FJX1: variants seen among roughly 807,000 people sequenced by gnomAD.
The protein encoded by FJX1 is four-jointed box kinase 1.
In FJX1, 21 loss-of-function variants were observed where a neutral mutation model predicts 28.7. The ratio of observed to expected loss-of-function variants is 0.73; its 90% CI spans 0.52 to 1.05. The LOEUF (loss-of-function observed/expected upper bound fraction) is 1.05. Ranked by LOEUF, FJX1 falls within the 50% of genes least tolerant of loss-of-function variation. The pLI, the probability that FJX1 is intolerant of heterozygous loss-of-function variation, is 0.00. For synonymous variants in FJX1, 363 were observed against 310.0 expected (o/e 1.17, Z -1.80); for missense variants, 683 against 647.2 (o/e 1.06, Z -0.60).
Position 35,618,504 on chromosome 11 carries a change from C to T in FJX1, c.-133C>T, listed in dbSNP as rs1264654694. On this transcript the variant is annotated 5_prime_UTR_variant, in exon 1 of 1. Coordinates refer to ENST00000317811, the MANE Select transcript of FJX1 (RefSeq NM_014344.4). The surrounding 1 kb of genome is among the most constrained non-coding windows in gnomAD (Gnocchi z 4.2). ...AGCGCCGGACAGAGCCCCGCAGCGC[C>T]CCGCGGCCGCGATGGGGCCGAAGCG... 4 of 878,980 alleles carry T rather than the reference C, an allele frequency of 4.6e-6. No homozygotes were observed. In the East Asian group the frequency reaches 2.4e-4, roughly 54 times the overall value. 54.4% of individuals were successfully genotyped at this position (878,980 alleles called of 1,614,324 possible).
chr11:35,618,672 GGGGCTCTGGCTGCTGGCGCT>G lies in FJX1; in HGVS notation c.43_62del (p.Trp15AlafsTer253). ...GGATGCGGGGCGCCGCCGCCACCGC[GGGGCTCTGGCTGCTGGCGCT>G]GGGCTCGCTGCTGGCGCTGTGGGGA... On this transcript the variant is annotated frameshift_variant, in exon 1 of 1. Transcript: ENST00000317811. LOFTEE classifies it high-confidence loss of function. This position sits in a 1 kb window ranked among gnomAD's most constrained non-coding sequence, Gnocchi z 4.2. 3 of 1,238,206 alleles carry G rather than the reference GGGGCTCTGGCTGCTGGCGCT, an allele frequency of 2.4e-6. No homozygotes were observed. The highest frequency in any genetic ancestry group is 3.0e-6 in the Non-Finnish European group (3 of 986,432). 76.7% of individuals were successfully genotyped at this position (1,238,206 alleles called of 1,614,324 possible). A position where few individuals can be genotyped will look rare whatever the true frequency, so the allele number is the denominator to read the frequency against.
Position 35,620,170 on chromosome 11 carries a change from T to G in FJX1, c.*220T>G. On this transcript the variant is annotated 3_prime_UTR_variant, in exon 1 of 1. Coordinates refer to ENST00000317811, the MANE Select transcript of FJX1 (RefSeq NM_014344.4). The stretch of plus-strand genomic sequence containing the variant: ...ACTCACCGAGGCGAGAAGTGTAACA[T>G]TCTCTCCACCCAGCTTATAAAAGGA... The G allele has an allele frequency of 3.0e-6, 2 of 660,898 alleles. No homozygotes were observed. Among genetic ancestry groups the G allele is most frequent in the East Asian group, 2.9e-5 (1 of 34,978 alleles). The allele number at this position is 660,898 out of a possible 1,614,324, so 40.9% of individuals were successfully genotyped here.
Position 35,620,318 on chromosome 11 carries a change from A to T in FJX1, c.*368A>T. ...TGGGCCCCCCCTCATTCCCTTTCCG[A>T]AAAAGGAAAACTTGCGTTTGAGCCG... is the stretch of plus-strand genomic sequence containing the variant. On this transcript the variant is annotated 3_prime_UTR_variant, in exon 1 of 1. Coordinates refer to ENST00000317811, the MANE Select transcript of FJX1 (RefSeq NM_014344.4). The T allele has an allele frequency of 3.0e-6, 1 of 336,820 alleles. No homozygotes were observed. Among genetic ancestry groups the T allele is most frequent in the East Asian group, 8.5e-5 (1 of 11,796 alleles). 20.9% of individuals were successfully genotyped at this position (336,820 alleles called of 1,614,324 possible).
Position 35,619,773 on chromosome 11 carries a change from C to T in FJX1, c.1137C>T (p.His379=). 1 of 1,552,744 alleles carries T rather than the reference C, an allele frequency of 6.4e-7. No individual in the cohort carries two copies. Among genetic ancestry groups the T allele is most frequent in the South Asian group, 1.2e-5 (1 of 84,504 alleles). Residue 379 remains histidine (H), a synonymous_variant, in exon 1 of 1, where the codon CAC becomes CAT. Coordinates refer to ENST00000317811, the MANE Select transcript of FJX1 (RefSeq NM_014344.4). This position sits in a 1 kb window ranked among gnomAD's most constrained non-coding sequence, Gnocchi z 7.6. The part of the protein sequence containing the change: ...ERTARRVLEL[H]RGQDAAARLL... ...CCGCGCGGCGCGTCCTGGAGCTGCA[C>T]CGCGGACAGGACGCCGCGGCCCGGC...
Position 35,619,242 on chromosome 11 carries a change from C to T in FJX1, c.606C>T (p.Gly202=), listed in dbSNP as rs750108363. Residue 202 remains glycine, a synonymous_variant, in exon 1 of 1, where the codon GGC becomes GGT. Coordinates refer to ENST00000317811, the MANE Select transcript of FJX1 (RefSeq NM_014344.4). The surrounding 1 kb of genome is among the most constrained non-coding windows in gnomAD (Gnocchi z 7.6). ...CTTACTATCTGGCGCGCCTGCTGGG[C>T]CTCCAGCGCCACGTGCCGCCGCTGG... ...ALSYYLARLL[G]LQRHVPPLAL... is the part of the protein sequence containing the mutation. The T allele has an allele frequency of 1.9e-6, 3 of 1,577,036 alleles. No homozygotes were observed. The highest frequency in any genetic ancestry group is 2.6e-6 in the Non-Finnish European group (3 of 1,170,954).
Position 35,619,064 on chromosome 11 carries a change from C to T in FJX1, c.428C>T (p.Ala143Val), listed in dbSNP as rs1461643084. 5.4e-6 allele frequency: 8 copies of T among 1,473,336 alleles called. No individual in the cohort carries two copies. The highest frequency in any genetic ancestry group is 6.2e-6 in the Non-Finnish European group (7 of 1,125,200). 91.3% of individuals were successfully genotyped at this position (1,473,336 alleles called of 1,614,324 possible). The change falls in exon 1 of 1, where the codon GCG becomes GTG. Residue 143 changes from alanine to valine, a missense_variant. Coordinates refer to ENST00000317811, the MANE Select transcript of FJX1 (RefSeq NM_014344.4). This position sits in a 1 kb window ranked among gnomAD's most constrained non-coding sequence, Gnocchi z 7.6. ...PPGFSEAQAA[A>V]WLEAARGARM... ...GGCTTTTCGGAGGCCCAGGCGGCGG[C>T]GTGGCTGGAGGCGGCTCGCGGCGCC...
At position 35,620,657 on chromosome 11, in the gene FJX1, G is replaced by T. The variant is rs751400447; in HGVS notation, c.*707G>T. The T allele has an allele frequency of 2.4e-5, 4 of 166,434 alleles. No homozygotes were observed. The highest frequency in any genetic ancestry group is 4.4e-5 in the Non-Finnish European group (3 of 68,048). The allele number at this position is 166,434 out of a possible 1,614,324, so 10.3% of individuals were successfully genotyped here. On this transcript the variant is annotated 3_prime_UTR_variant, in exon 1 of 1. Coordinates refer to ENST00000317811, the MANE Select transcript of FJX1 (RefSeq NM_014344.4). ...AATAATGAATTTCTTCCTCCCTCTC[G>T]CAACCGACCAAAATTTTGACAACGA...
chr11:35,618,893 TG>T lies in FJX1; in HGVS notation c.259del (p.Ala87ArgfsTer154). On this transcript the variant is annotated frameshift_variant, in exon 1 of 1. Transcript: ENST00000317811. LOFTEE classifies it high-confidence loss of function. This position sits in a 1 kb window ranked among gnomAD's most constrained non-coding sequence, Gnocchi z 4.2. The part of the protein sequence containing the change: ...SLKTFRALLT[L>X]AAGADGPPRQ... ...AAAACTTTCCGGGCGCTGCTCACCC[TG>T]GCGGCCGGCGCGGACGGCCCGCCCC... is the stretch of plus-strand genomic sequence containing the variant. 1 of 1,391,788 alleles carries T rather than the reference TG, an allele frequency of 7.2e-7. No homozygotes were observed. The highest frequency in any genetic ancestry group is 1.6e-5 in the South Asian group (1 of 63,134). 86.2% of individuals were successfully genotyped at this position (1,391,788 alleles called of 1,614,324 possible).
chr11:35,618,464 C>T lies in FJX1; in HGVS notation c.-173C>T, dbSNP rs1164928088. 1.9e-6 allele frequency: 1 copy of T among 535,110 alleles called. No homozygotes were observed. The highest frequency in any genetic ancestry group is 2.5e-6 in the Non-Finnish European group (1 of 404,578). The allele number at this position is 535,110 out of a possible 1,614,324, so 33.1% of individuals were successfully genotyped here. The stretch of plus-strand genomic sequence containing the variant: ...CTGGGAAGCGGCGGGGACTCGAGTT[C>T]CCAGCGCCGGGCGGAGCGCCGGACA... On this transcript the variant is annotated 5_prime_UTR_variant, in exon 1 of 1. Coordinates refer to ENST00000317811, the MANE Select transcript of FJX1 (RefSeq NM_014344.4). This position sits in a 1 kb window ranked among gnomAD's most constrained non-coding sequence, Gnocchi z 4.2.
Position 35,618,762 on chromosome 11 carries a change from C to A in FJX1, c.126C>A (p.Pro42=). 1 of 1,262,044 alleles carries A rather than the reference C, an allele frequency of 7.9e-7. No individual in the cohort carries two copies. Among genetic ancestry groups the A allele is most frequent in the Non-Finnish European group, 1.0e-6 (1 of 994,614 alleles). 78.2% of individuals were successfully genotyped at this position (1,262,044 alleles called of 1,614,324 possible). ...CCGAGCTGCCCGCCTCCCGGCCGCC[C>A]GAAGACCGACTCCCACGGCGCCCGG... ...PRTELPASRP[P]EDRLPRRPAR... is the part of the protein sequence containing the mutation. Residue 42 remains proline, a synonymous_variant, in exon 1 of 1, where the codon CCC becomes CCA. Transcript: ENST00000317811. This position sits in a 1 kb window ranked among gnomAD's most constrained non-coding sequence, Gnocchi z 4.2.
At position 35,619,829 on chromosome 11, in the gene FJX1, G is replaced by T. The variant is rs763476015; in HGVS notation, c.1193G>T (p.Arg398Leu). ...LLRLYRRHEP[R>L]FPELAALADP... Reference sequence around the variant, plus strand: ...CGCCTCTACCGGCGCCACGAGCCTCGCTTCCCCGAGCTGGCCGCCCTTGCA... The same window carrying T: ...CGCCTCTACCGGCGCCACGAGCCTCTCTTCCCCGAGCTGGCCGCCCTTGCA... Residue 398 changes from arginine to leucine, a missense_variant, in exon 1 of 1, where the codon CGC becomes CTC. Coordinates refer to ENST00000317811, the MANE Select transcript of FJX1 (RefSeq NM_014344.4). This position sits in a 1 kb window ranked among gnomAD's most constrained non-coding sequence, Gnocchi z 7.6. The T allele has an allele frequency of 1.9e-6, 3 of 1,551,902 alleles. No homozygotes were observed. The highest frequency in any genetic ancestry group is 3.9e-5 in the Admixed American group (2 of 51,158).
In FJX1 at chr11:35,619,645, C is replaced by A; in HGVS notation, c.1009C>A (p.Leu337Met). ...CGGTCCGGGCGGGGCGCTGGTCTTT[C>A]TGGACAATGAGGCGGGCTTGGTGCA... The part of the protein sequence containing the change: ...HRGPGGALVF[L>M]DNEAGLVHGY... The change falls in exon 1 of 1, where the codon CTG (leucine) becomes ATG (methionine). Residue 337 changes from leucine (L) to methionine (M), a missense_variant. Transcript: ENST00000317811. The surrounding 1 kb of genome is among the most constrained non-coding windows in gnomAD (Gnocchi z 7.6). The A allele has an allele frequency of 6.2e-7, 1 of 1,611,434 alleles. No individual in the cohort carries two copies. Among genetic ancestry groups the A allele is most frequent in the Non-Finnish European group, 8.5e-7 (1 of 1,179,748 alleles).
At position 35,620,164 on chromosome 11, in the gene FJX1, G is replaced by GT; in HGVS notation, c.*215dup. On this transcript the variant is annotated 3_prime_UTR_variant, in exon 1 of 1. Transcript: ENST00000317811. ...GGACGAACTCACCGAGGCGAGAAGT[G>GT]TAACATTCTCTCCACCCAGCTTATA... 1.5e-6 allele frequency: 1 copy of GT among 687,186 alleles called. No individual in the cohort carries two copies. Among genetic ancestry groups the GT allele is most frequent in the South Asian group, 2.0e-5 (1 of 50,716 alleles). The allele number at this position is 687,186 out of a possible 1,614,324, so 42.6% of individuals were successfully genotyped here.
chr11:35,618,668 CCG>C lies in FJX1; in HGVS notation c.35_36del (p.Ala12GlyfsTer262). 1 of 1,233,448 alleles carries C rather than the reference CCG, an allele frequency of 8.1e-7. No individual in the cohort carries two copies. The highest frequency in any genetic ancestry group is 1.0e-6 in the Non-Finnish European group (1 of 984,434). The allele number at this position is 1,233,448 out of a possible 1,614,324, so 76.4% of individuals were successfully genotyped here. A position where few individuals can be genotyped will look rare whatever the true frequency, so the allele number is the denominator to read the frequency against. On this transcript the variant is annotated frameshift_variant, in exon 1 of 1. Transcript: ENST00000317811. LOFTEE classifies it high-confidence loss of function. The surrounding 1 kb of genome is among the most constrained non-coding windows in gnomAD (Gnocchi z 4.2). ...AGGAGGATGCGGGGCGCCGCCGCCACCGCGGGGCTCTGGCTGCTGGCGCTGGG... is the reference window on the plus strand; with the variant it reads ...AGGAGGATGCGGGGCGCCGCCGCCACCGGGGCTCTGGCTGCTGGCGCTGGG...
chr11:35,620,193 G>T lies in FJX1; in HGVS notation c.*243G>T. The T allele has an allele frequency of 1.6e-6, 1 of 631,334 alleles. No individual in the cohort carries two copies. Among genetic ancestry groups the T allele is most frequent in the Non-Finnish European group, 2.7e-6 (1 of 366,790 alleles). 39.1% of individuals were successfully genotyped at this position (631,334 alleles called of 1,614,324 possible). On this transcript the variant is annotated 3_prime_UTR_variant, in exon 1 of 1. Coordinates refer to ENST00000317811, the MANE Select transcript of FJX1 (RefSeq NM_014344.4). The stretch of plus-strand genomic sequence containing the variant: ...CATTCTCTCCACCCAGCTTATAAAA[G>T]GATTCTTTACTGTGCCAGCACGGGG...
Position 35,619,987 on chromosome 11 carries a change from G to A in FJX1, c.*37G>A. ...GGAAAAGAGAGAGATCTGGGGCTGG[G>A]GTATGGATGATGGGGGGAAGGGCGG... is the stretch of plus-strand genomic sequence containing the variant. On this transcript the variant is annotated 3_prime_UTR_variant, in exon 1 of 1. Coordinates refer to ENST00000317811, the MANE Select transcript of FJX1 (RefSeq NM_014344.4). This position sits in a 1 kb window ranked among gnomAD's most constrained non-coding sequence, Gnocchi z 7.6. The A allele has an allele frequency of 6.4e-7, 1 of 1,563,218 alleles. No homozygotes were observed. Among genetic ancestry groups the A allele is most frequent in the Non-Finnish European group, 8.7e-7 (1 of 1,155,438 alleles).
Position 35,618,968 on chromosome 11 carries a change from G to C in FJX1, c.332G>C (p.Arg111Pro), listed in dbSNP as rs1850859193. Residue 111 changes from arginine (R) to proline (P), a missense_variant, in exon 1 of 1, where the codon CGG (arginine) becomes CCG (proline). Transcript: ENST00000317811. The surrounding 1 kb of genome is among the most constrained non-coding windows in gnomAD (Gnocchi z 4.2). ...PRWHVSARQP[R>P]PEESAAVHGG... ...TGGCACGTGTCAGCCAGGCAGCCCCGGCCGGAGGAGAGCGCCGCGGTGCAC... is the reference window on the plus strand; with the variant it reads ...TGGCACGTGTCAGCCAGGCAGCCCCCGCCGGAGGAGAGCGCCGCGGTGCAC... The C allele has an allele frequency of 2.0e-6, 3 of 1,475,380 alleles. No homozygotes were observed. The highest frequency in any genetic ancestry group is 2.9e-5 in the African/African-American group (2 of 67,916). The allele number at this position is 1,475,380 out of a possible 1,614,324, so 91.4% of individuals were successfully genotyped here.
rs148087489 is a variant in FJX1, at chr11:35,619,583, C to T, written c.947C>T (p.Pro316Leu). ...AACCTCTTCAGCCTGCAGTGGGACC[C>T]GCGCGTCATGCAGCGTGCCACCAGC... is the stretch of plus-strand genomic sequence containing the variant. ...VSNLFSLQWD[P>L]RVMQRATSNL... Residue 316 changes from proline (P) to leucine (L), a missense_variant, in exon 1 of 1, where the codon CCG becomes CTG. Coordinates refer to ENST00000317811, the MANE Select transcript of FJX1 (RefSeq NM_014344.4). The surrounding 1 kb of genome is among the most constrained non-coding windows in gnomAD (Gnocchi z 7.6). 1.2e-6 allele frequency: 2 copies of T among 1,606,120 alleles called. No homozygotes were observed. Among genetic ancestry groups the T allele is most frequent in the South Asian group, 1.1e-5 (1 of 91,082 alleles).
At position 35,620,024 on chromosome 11, in the gene FJX1, ACT is replaced by A. The variant is rs780119678; in HGVS notation, c.*75_*76del. ...GGGGGGAAGGGCGGTCGCCTCTGCC[ACT>A]GTCAGGGACCAGCCGGCCAACGCCC... On this transcript the variant is annotated 3_prime_UTR_variant, in exon 1 of 1. Coordinates refer to ENST00000317811, the MANE Select transcript of FJX1 (RefSeq NM_014344.4). The A allele has an allele frequency of 8.4e-5, 129 of 1,535,104 alleles. 1 individual carries two copies. In the Middle Eastern group the frequency reaches 1.1e-3, roughly 13 times the overall value.
Sources: allele counts gnomAD v4.1 joint callset, GRCh38; gene constraint gnomAD v4.1.1; non-coding constraint Gnocchi (gnomAD v3.1); transcripts MANE v1.5; gene names NCBI Gene and HGNC (gene_info 2026-07-23, HGNC 2026-07-21).